NIPA1: variants seen among roughly 807,000 people sequenced by gnomAD.
NIPA1 encodes the protein NIPA magnesium transporter 1, also known as magnesium transporter NIPA1.
Under a neutral mutation model 23.9 loss-of-function variants are expected in NIPA1, and 13 were observed. That is an observed-to-expected ratio of 0.54 (90% CI 0.35 to 0.87). The LOEUF (loss-of-function observed/expected upper bound fraction) is 0.87. Among genes scored for constraint, NIPA1 ranks in the 40% least tolerant of loss-of-function variants. The pLI is 0.01. For synonymous variants in NIPA1, 234 were observed against 202.9 expected, an observed-to-expected ratio of 1.15 and a Z score of -1.30; for missense variants, 362 against 429.7, an observed-to-expected ratio of 0.84 and a Z score of 1.39.
In NIPA1 at chr15:22,825,641, C is replaced by T. The variant is rs1213878288; in HGVS notation, c.*1402C>T. ...GTTCAATAGCTCATATATCGAGTACCCTGTCATACAGGAACAAGTTAAAGG... is the reference window on the plus strand; with the variant it reads ...GTTCAATAGCTCATATATCGAGTACTCTGTCATACAGGAACAAGTTAAAGG... On this transcript the variant is annotated 3_prime_UTR_variant, in exon 5 of 5. Transcript: ENST00000337435. The T allele has an allele frequency of 2.6e-5, 4 of 152,202 alleles. No homozygotes were observed. The highest frequency in any genetic ancestry group is 9.6e-5 in the African/African-American group (4 of 41,516). 9.4% of individuals were successfully genotyped at this position (152,202 alleles called of 1,614,324 possible). A position where few individuals can be genotyped will look rare whatever the true frequency, so the allele number is the denominator to read the frequency against.
chr15:22,794,843 C>G (rs1444935569), intron 1 of NIPA1, among the ~76,000 whole-genome samples: 1 of 152,148 alleles, frequency 6.6e-6, no homozygotes, highest in Non-Finnish European at 1.5e-5. Context: ...GTCATTGCCC[C>G]TTGTGTGTCT....
intron 1 of NIPA1, among the ~76,000 whole-genome samples, chr15:22,806,905 G>A (rs942067335): frequency 1.3e-5 from 2 of 152,148 alleles, no homozygotes. Context: ...GAGGCTCTCA[G>A]GGACCATGTG....
At chr15:22,787,364 G>T (rs1894730959) in intron 1 of NIPA1, among the ~76,000 whole-genome samples, 1 of 152,240 alleles carries the variant, frequency 6.6e-6, no homozygotes, top group South Asian at 2.1e-4. Flanking sequence ...GGCCTCGCTG[G>T]TGCAAAAGGA....
chr15:22,796,222 C>A (rs1001311552), intron 1 of NIPA1, among the ~76,000 whole-genome samples: 2 of 151,824 alleles, frequency 1.3e-5, no homozygotes, highest in Non-Finnish European at 2.9e-5. Flanking sequence ...ATGCATGGCC[C>A]CAGATAAGGC....
At chr15:22,790,544 G>A (rs1271588221) in intron 1 of NIPA1, among the ~76,000 whole-genome samples, 1 of 151,608 alleles carries the variant, frequency 6.6e-6, no homozygotes, top group Non-Finnish European at 1.5e-5. Flanking sequence ...AGCCTCCCGA[G>A]TAGTTGGGTT....
At chr15:22,795,117 C>T (rs1000758686) in intron 1 of NIPA1, among the ~76,000 whole-genome samples, 2 of 152,078 alleles carry the variant, frequency 1.3e-5, no homozygotes, top group East Asian at 1.9e-4. Flanking sequence ...ACCTTACTTA[C>T]GTCCTACTAA....
chr15:22,797,848 T>A (rs987623830), intron 1 of NIPA1, among the ~76,000 whole-genome samples: 6,549 of 65,872 alleles, frequency 0.099, 477 homozygotes, highest in African/African-American at 0.37. Flanking sequence ...TCAAAACCGA[T>A]TTTTTTTTTT....
chr15:22,798,236 ATCTTT>A (rs1251084209), intron 1 of NIPA1, among the ~76,000 whole-genome samples: 1 of 110,548 alleles, frequency 9.0e-6, no homozygotes, highest in African/African-American at 3.9e-5. Context: ...TATGCTAAAA[ATCTTT>A]TTTTTTTTTT....
chr15:22,822,713 G>A (rs985000165), intron 4 of NIPA1, among the ~76,000 whole-genome samples: 4 of 151,892 alleles, frequency 2.6e-5, no homozygotes, highest in African/African-American at 7.3e-5. Flanking sequence ...TGTATTCCCA[G>A]CTACTCAGGA....
At chr15:22,819,342 A>G (rs1336621866) in intron 3 of NIPA1, 1 of 152,108 alleles carries the variant, frequency 6.6e-6, no homozygotes, top group Non-Finnish European at 1.5e-5. Flanking sequence ...CTCCTCCCGG[A>G]CGTTCCTGTT....
chr15:22,802,315 C>T (rs1895100973), intron 1 of NIPA1, among the ~76,000 whole-genome samples: 1 of 148,614 alleles, frequency 6.7e-6, no homozygotes, highest in Non-Finnish European at 1.5e-5. Context: ...GCACTTGAAC[C>T]CGGGAAGTGG....
chr15:22,796,203 T>C (rs773693177), intron 1 of NIPA1, among the ~76,000 whole-genome samples: 13 of 152,052 alleles, frequency 8.5e-5, no homozygotes, highest in Non-Finnish European at 1.8e-4. Flanking sequence ...ATTACATGTG[T>C]GAGCCACCAT....
chr15:22,795,464 T>G (rs1431615791), intron 1 of NIPA1, among the ~76,000 whole-genome samples: 1 of 152,110 alleles, frequency 6.6e-6, no homozygotes, highest in Non-Finnish European at 1.5e-5. Flanking sequence ...GATGGCATCT[T>G]CACTCGAGTC....
rs776802704 is a variant in NIPA1, at chr15:22,812,231, G to A, written c.295G>A (p.Gly99Ser). The A allele has an allele frequency of 6.2e-7, 1 of 1,613,668 alleles. No individual in the cohort carries two copies. The highest frequency in any genetic ancestry group is 8.5e-7 in the Non-Finnish European group (1 of 1,179,626). Reference sequence around the variant, plus strand: ...CCCCACGGTCCTGGTAACCCCCCTGGGCGCCCTTGGAGTACCGTTCGGGTG... The same window carrying A: ...CCCCACGGTCCTGGTAACCCCCCTGAGCGCCCTTGGAGTACCGTTCGGGTG... ...AVPTVLVTPL[G>S]ALGVPFGSIL... Residue 99 changes from glycine (G) to serine (S), a missense_variant, in exon 3 of 5, where the codon GGC becomes AGC. By Grantham distance (56) the Gly-to-Ser change is moderately conservative. Coordinates refer to ENST00000337435, the MANE Select transcript of NIPA1 (RefSeq NM_144599.5).
At chr15:22,790,326 T>TTTTTGTTTTTG (rs1894801420) in intron 1 of NIPA1, among the ~76,000 whole-genome samples, 1 of 152,042 alleles carries the variant, frequency 6.6e-6, no homozygotes, top group Non-Finnish European at 1.5e-5. Context: ...GATGAAGCTT[T>TTTTTGTTTTTG]TTTTGTTTTT....
At chr15:22,818,608 CAACATGGTGA>C (rs1895472822) in intron 3 of NIPA1, among the ~76,000 whole-genome samples, 1 of 151,978 alleles carries the variant, frequency 6.6e-6, no homozygotes, top group African/African-American at 2.4e-5. Context: ...CCAGCCTGGC[CAACATGGTGA>C]AACCCCGTCC....
intron 1 of NIPA1, among the ~76,000 whole-genome samples, chr15:22,801,609 G>A (rs560248126): frequency 1.4e-3 from 213 of 150,086 alleles, no homozygotes; most frequent in African/African-American, 5.0e-3. Context: ...TCCACCTCCC[G>A]GGGTTCAAGC....
At chr15:22,803,660 T>A (rs970176406) in intron 1 of NIPA1, among the ~76,000 whole-genome samples, 3 of 142,126 alleles carry the variant, frequency 2.1e-5, no homozygotes, top group Non-Finnish European at 4.6e-5. Context: ...AGGCACCTGC[T>A]ACCGGGCCCG....
intron 3 of NIPA1, among the ~76,000 whole-genome samples, chr15:22,812,664 A>AT (rs561132805): frequency 3.3e-5 from 5 of 151,080 alleles, no homozygotes; most frequent in African/African-American, 1.2e-4. Flanking sequence ...AAAAAAAAAA[A>AT]GAAGATAGAT....
Sources: gnomAD v4.1 joint callset for allele counts (sites outside exome capture counted in the v4.1 genomes callset) on GRCh38, gnomAD v4.1.1 for gene constraint, MANE v1.5 for transcripts, NCBI Gene and HGNC (gene_info 2026-07-23, HGNC 2026-07-21) for gene names.